The following PXDNL variants were observed in gnomAD, a reference collection of about 807,000 sequenced individuals.
The protein encoded by PXDNL is probable oxidoreductase PXDNL.
In PXDNL, 145 loss-of-function variants were observed where a neutral mutation model predicts 150.8. That is an observed-to-expected ratio of 0.96 (90% CI 0.84 to 1.10). The LOEUF is 1.10. Among genes scored for constraint, PXDNL ranks in the 50% least tolerant of loss-of-function variants. PXDNL has a pLI of 0.00. For synonymous variants in PXDNL, 757 were observed against 725.7 expected (o/e 1.04, Z -0.69); for missense variants, 2,087 against 1,873.9 (o/e 1.11, Z -2.10).
At chr8:51,752,019 G>T (rs895202962) in intron 1 of PXDNL, among the ~76,000 whole-genome samples, 3 of 152,092 alleles carry the variant, frequency 2.0e-5, no homozygotes, top group Admixed American at 2.0e-4. Flanking sequence ...GGAAATTATC[G>T]CTAGACCAAC....
At chr8:51,780,404 T>G (rs2037399278) in intron 1 of PXDNL, among the ~76,000 whole-genome samples, 1 of 152,004 alleles carries the variant, frequency 6.6e-6, no homozygotes, top group African/African-American at 2.4e-5. Context: ...CATATGTAAA[T>G]TCCCATATGG....
chr8:51,640,003 C>G (rs367943453), intron 2 of PXDNL, among the ~76,000 whole-genome samples: 1 of 152,058 alleles, frequency 6.6e-6, no homozygotes, highest in Non-Finnish European at 1.5e-5. Context: ...AGCTTATCCA[C>G]CATGATCAAG....
intron 8 of PXDNL, among the ~76,000 whole-genome samples, chr8:51,470,912 GA>G (rs776108780): frequency 1.3e-5 from 2 of 151,778 alleles, no homozygotes; most frequent in Non-Finnish European, 2.9e-5. Context: ...TACCATTCAG[GA>G]CATAGGCACG....
At chr8:51,543,242 C>T (rs1449574676) in intron 4 of PXDNL, among the ~76,000 whole-genome samples, 1 of 152,118 alleles carries the variant, frequency 6.6e-6, no homozygotes, top group Non-Finnish European at 1.5e-5. Flanking sequence ...AGACTTTATG[C>T]CCGGTGATAC....
chr8:51,646,154 G>T (rs1814915739), intron 2 of PXDNL, among the ~76,000 whole-genome samples: 2 of 152,140 alleles, frequency 1.3e-5, no homozygotes, highest in African/African-American at 2.4e-5. Context: ...GTTAAGTGAA[G>T]TCTTAAGGAC....
At chr8:51,563,353 G>C (rs749168408) in intron 3 of PXDNL, among the ~76,000 whole-genome samples, 12 of 151,876 alleles carry the variant, frequency 7.9e-5, no homozygotes, top group Admixed American at 6.6e-4. Flanking sequence ...CAGAGAGAGC[G>C]AGAGCAAGCC....
intron 4 of PXDNL, among the ~76,000 whole-genome samples, chr8:51,537,039 T>C (rs1242264027): frequency 6.6e-6 from 1 of 152,218 alleles, no homozygotes; most frequent in East Asian, 1.9e-4. Context: ...TGGTGATGAT[T>C]GTTAGGCAAG....
At chr8:51,484,941 T>C (rs1262623635) in intron 5 of PXDNL, among the ~76,000 whole-genome samples, 3 of 152,190 alleles carry the variant, frequency 2.0e-5, no homozygotes, top group Non-Finnish European at 4.4e-5. Context: ...CTCTGCAATA[T>C]AGAGAAAAGA....
chr8:51,582,933 G>T (rs1171370616), intron 3 of PXDNL, among the ~76,000 whole-genome samples: 2 of 152,192 alleles, frequency 1.3e-5, no homozygotes, highest in East Asian at 3.9e-4. Context: ...ATCAATTGCA[G>T]AATAGGATAG....
chr8:51,323,548 C>G (rs1805389439), intron 21 of PXDNL, among the ~76,000 whole-genome samples: 1 of 152,258 alleles, frequency 6.6e-6, no homozygotes, highest in South Asian at 2.1e-4. Context: ...CTTGGCTTCC[C>G]AAAGTGCTGG....
At chr8:51,429,130 A>G (rs1422609521) in intron 12 of PXDNL, among the ~76,000 whole-genome samples, 1 of 152,230 alleles carries the variant, frequency 6.6e-6, no homozygotes, top group African/African-American at 2.4e-5. Flanking sequence ...CCACAATGTG[A>G]TATTACTACA....
At chr8:51,592,963 C>A (rs1813477506) in intron 2 of PXDNL, among the ~76,000 whole-genome samples, 1 of 152,118 alleles carries the variant, frequency 6.6e-6, no homozygotes, top group South Asian at 2.1e-4. Flanking sequence ...AGGTAAAATT[C>A]TTGTTCTCCT....
chr8:51,329,216 A>C (rs1018954323), intron 21 of PXDNL, among the ~76,000 whole-genome samples: 10 of 152,246 alleles, frequency 6.6e-5, no homozygotes, highest in Non-Finnish European at 1.3e-4. Context: ...TGACCAGCAC[A>C]TCAACAGGAT....
chr8:51,696,813 A>ATC (rs147045353), intron 1 of PXDNL, among the ~76,000 whole-genome samples: 26 of 135,144 alleles, frequency 1.9e-4, no homozygotes, highest in South Asian at 5.0e-4. Context: ...CTTCACACAC[A>ATC]CACACACACA....
At chr8:51,503,648 A>G (rs1811230680) in intron 4 of PXDNL, among the ~76,000 whole-genome samples, 2 of 152,178 alleles carry the variant, frequency 1.3e-5, no homozygotes, top group African/African-American at 4.8e-5. Flanking sequence ...ACTTGAGAGG[A>G]TTTTAAATCT....
chr8:51,481,151 C>T (rs2195761), intron 6 of PXDNL, among the ~76,000 whole-genome samples: 143,873 of 152,236 alleles, frequency 0.95, 68,539 homozygotes, highest in East Asian at 1. Context: ...AGCTTGGAAC[C>T]TCCGAGAGAC....
intron 2 of PXDNL, among the ~76,000 whole-genome samples, chr8:51,625,754 T>C (rs1209759981): frequency 6.6e-6 from 1 of 152,248 alleles, no homozygotes; most frequent in African/African-American, 2.4e-5. Flanking sequence ...AAAATCAGCA[T>C]TGAAATGATG....
At chr8:51,775,975 G>A (rs13281222) in intron 1 of PXDNL, among the ~76,000 whole-genome samples, 18 of 152,296 alleles carry the variant, frequency 1.2e-4, no homozygotes, top group South Asian at 8.3e-4. Context: ...AAGAGAATGC[G>A]TTCCCAAGGG....
intron 5 of PXDNL, among the ~76,000 whole-genome samples, chr8:51,495,962 G>A (rs1811037945): frequency 6.6e-6 from 1 of 152,092 alleles, no homozygotes; most frequent in Non-Finnish European, 1.5e-5. Context: ...CCAAAGCCTG[G>A]CAGAGACACA....
Sources: allele counts gnomAD v4.1 joint callset (sites outside exome capture counted in the v4.1 genomes callset), GRCh38; gene constraint gnomAD v4.1.1; transcripts MANE v1.5; gene names NCBI Gene and HGNC (gene_info 2026-07-23, HGNC 2026-07-21).